The following COL14A1 variants were observed in gnomAD, a reference collection of about 807,000 sequenced individuals.
The protein encoded by COL14A1 is collagen alpha-1(XIV) chain.
A neutral mutation model predicts 230.3 loss-of-function variants in COL14A1; 136 were observed. The observed-to-expected ratio is 0.59, with a 90% CI of 0.51 to 0.68. The LOEUF (loss-of-function observed/expected upper bound fraction) is 0.68. COL14A1 is among the 30% of genes least tolerant of loss of function. COL14A1 has a pLI of 0.00. For missense variants in COL14A1, 1,976 were observed against 2,215.8 expected (o/e 0.89, Z 2.17); for synonymous variants, 792 against 784.1 (o/e 1.01, Z -0.17).
chr8:120,251,137 T>TTTTTCC (rs1818935392), intron 22 of COL14A1, among the ~76,000 whole-genome samples: 1 of 152,176 alleles, frequency 6.6e-6, no homozygotes, highest in African/African-American at 2.4e-5. Context: ...TGGTCATTCA[T>TTTTTCC]TTTTCCTTTT....
At chr8:120,347,038 A>G (rs1444552877) in intron 45 of COL14A1, among the ~76,000 whole-genome samples, 3 of 152,172 alleles carry the variant, frequency 2.0e-5, no homozygotes, top group Non-Finnish European at 4.4e-5. Context: ...CTCTGTCAGC[A>G]GGGCATCCTC....
chr8:120,279,130 TCA>T (rs1290801645), intron 28 of COL14A1, among the ~76,000 whole-genome samples: 1 of 105,892 alleles, frequency 9.4e-6, no homozygotes, highest in Non-Finnish European at 1.8e-5. Context: ...GAGGGGAACA[TCA>T]CACACGGGGG....
chr8:120,220,951 C>T (rs987718670), intron 14 of COL14A1, among the ~76,000 whole-genome samples: 9 of 152,084 alleles, frequency 5.9e-5, no homozygotes, highest in South Asian at 2.1e-4. Context: ...GGCACTGTTC[C>T]GAGTGCTCTA....
At chr8:120,273,434 A>G (rs1819735030) in intron 26 of COL14A1, among the ~76,000 whole-genome samples, 1 of 151,914 alleles carries the variant, frequency 6.6e-6, no homozygotes, top group South Asian at 2.1e-4. Context: ...GAAAAGAAAT[A>G]ACAAAAATCA....
chr8:120,136,938 T>A (rs1459230650), intron 1 of COL14A1, among the ~76,000 whole-genome samples: 1 of 128,622 alleles, frequency 7.8e-6, no homozygotes, highest in South Asian at 2.4e-4. Context: ...CTCCAGCCTG[T>A]GTGACAGTGA....
chr8:120,214,296 T>C (rs951838389), intron 13 of COL14A1, among the ~76,000 whole-genome samples: 11 of 152,194 alleles, frequency 7.2e-5, no homozygotes, highest in African/African-American at 2.4e-4. Flanking sequence ...TTGTGATCAA[T>C]ATAGTGGGGA....
chr8:120,180,344 G>T (rs1192291803), intron 5 of COL14A1, among the ~76,000 whole-genome samples: 1 of 152,086 alleles, frequency 6.6e-6, no homozygotes, highest in East Asian at 1.9e-4. Context: ...AGTCTGTGTG[G>T]GATTCATTTC....
intron 9 of COL14A1, among the ~76,000 whole-genome samples, chr8:120,205,213 T>C (rs1817389639): frequency 6.6e-6 from 1 of 152,140 alleles, no homozygotes; most frequent in Non-Finnish European, 1.5e-5. Context: ...AGGGAGAAGA[T>C]TTTGTTAGCA....
chr8:120,278,651 G>A, intron 28 of COL14A1, 73 bp downstream of exon 28: 1 of 1,415,686 alleles, frequency 7.1e-7, no homozygotes, highest in Non-Finnish European at 9.6e-7. Context: ...AAATTTATAG[G>A]CTATATCAGC....
chr8:120,267,298 AG>A (rs1421090442), intron 25 of COL14A1, among the ~76,000 whole-genome samples: 1 of 151,940 alleles, frequency 6.6e-6, no homozygotes, highest in Non-Finnish European at 1.5e-5. Flanking sequence ...TAAGCCATTA[AG>A]GTAACTTTAA....
intron 5 of COL14A1, among the ~76,000 whole-genome samples, chr8:120,169,015 C>T (rs923028770): frequency 6.6e-6 from 1 of 152,060 alleles, no homozygotes; most frequent in Non-Finnish European, 1.5e-5. Context: ...GCCACCATGC[C>T]CAGCTAATTT....
Position 120,227,352 on chromosome 8 carries a change from C to T in COL14A1, c.2137C>T (p.Leu713Phe), listed in dbSNP as rs146557532. 116 of 1,613,404 alleles carry T rather than the reference C, an allele frequency of 7.2e-5. No homozygotes were observed. The African/African-American group carries it at 9.5e-4, about 13-fold the overall frequency. Reference sequence around the variant, plus strand: ...GGTGGTGACTGCTGTCGGGACCACACGTAAGTCTTGGTCTGGCCACAGTGC... The same window carrying T: ...GGTGGTGACTGCTGTCGGGACCACATGTAAGTCTTGGTCTGGCCACAGTGC... ...SEVVTAVGTT[L>F]DSFWTEPATT... Residue 713 changes from leucine to phenylalanine, a missense_variant and splice_region_variant, in exon 17 of 48, where the codon CTT (leucine) becomes TTT (phenylalanine). Coordinates refer to ENST00000297848, the MANE Select transcript of COL14A1 (RefSeq NM_021110.4).
intron 36 of COL14A1, among the ~76,000 whole-genome samples, chr8:120,308,724 G>C (rs1266587744): frequency 6.6e-6 from 1 of 152,186 alleles, no homozygotes; most frequent in Non-Finnish European, 1.5e-5. Context: ...TCTGCTAATA[G>C]TGTACAGAAT....
At chr8:120,309,094 C>T (rs1010196011) in intron 36 of COL14A1, among the ~76,000 whole-genome samples, 3 of 152,082 alleles carry the variant, frequency 2.0e-5, no homozygotes, top group African/African-American at 7.2e-5. Context: ...GCCACCACGC[C>T]CGGCTAATTT....
Position 120,372,362 on chromosome 8 carries a change from A to T in COL14A1, c.*1131A>T, listed in dbSNP as rs1411926788. Reference sequence around the variant, plus strand: ...CCCACCTATCTTCTGATATTGAGGAAAGCCTAAAAACCCCTAGAAGGCAGA... The same window carrying T: ...CCCACCTATCTTCTGATATTGAGGATAGCCTAAAAACCCCTAGAAGGCAGA... On this transcript the variant is annotated 3_prime_UTR_variant, in exon 48 of 48. Transcript: ENST00000297848. Among the ~76,000 whole-genome samples, 1 of 152,236 alleles carries T rather than the reference A, an allele frequency of 6.6e-6. No homozygotes were observed. The highest frequency in any genetic ancestry group is 2.4e-5 in the African/African-American group (1 of 41,456).
chr8:120,347,032 G>A (rs1237198415), intron 45 of COL14A1, among the ~76,000 whole-genome samples: 1 of 152,144 alleles, frequency 6.6e-6, no homozygotes, highest in African/African-American at 2.4e-5. Flanking sequence ...GGCCCCCTCT[G>A]TCAGCAGGGC....
intron 5 of COL14A1, among the ~76,000 whole-genome samples, chr8:120,175,681 T>C (rs1170160679): frequency 6.6e-6 from 1 of 152,162 alleles, no homozygotes; most frequent in Non-Finnish European, 1.5e-5. Context: ...AATATCAGAG[T>C]TGAGTATTTG....
chr8:120,246,445 G>A (rs1391001936), intron 20 of COL14A1, among the ~76,000 whole-genome samples: 3 of 152,036 alleles, frequency 2.0e-5, no homozygotes, highest in South Asian at 2.1e-4. Context: ...CTATGCATTG[G>A]AATTTCTAGC....
chr8:120,130,123 G>A (rs1463866266), intron 1 of COL14A1, among the ~76,000 whole-genome samples: 2 of 152,200 alleles, frequency 1.3e-5, no homozygotes, highest in African/African-American at 4.8e-5. Flanking sequence ...ACACGATGAT[G>A]TAAATCAAAT....
Sources: gnomAD v4.1 joint callset for allele counts (sites outside exome capture counted in the v4.1 genomes callset) on GRCh38, gnomAD v4.1.1 for gene constraint, MANE v1.5 for transcripts, NCBI Gene and HGNC (gene_info 2026-07-23, HGNC 2026-07-21) for gene names.